CDC42BPA: variants seen among roughly 807,000 people sequenced by gnomAD.
CDC42BPA encodes the protein CDC42 binding protein kinase alpha.
In CDC42BPA, 80 loss-of-function variants were observed where a neutral mutation model predicts 223.5. The observed-to-expected ratio is 0.36, with a 90% confidence interval of 0.30 to 0.43. The LOEUF is 0.43. Ranked by LOEUF, CDC42BPA falls within the 20% of genes least tolerant of loss-of-function variation. The probability of loss-of-function intolerance (pLI) is 1.00; values close to 1 mark genes in which losing one functional copy is unlikely to be tolerated. For missense variants in CDC42BPA, 1,743 were observed against 2,099.9 expected (o/e 0.83, Z 3.32); for synonymous variants, 694 against 718.6 (o/e 0.97, Z 0.55).
intron 21 of CDC42BPA, among the ~76,000 whole-genome samples, chr1:227,055,067 A>G (rs1314514702): frequency 2.0e-5 from 3 of 151,976 alleles, no homozygotes; most frequent in Non-Finnish European, 4.4e-5. Context: ...TGAATATAAT[A>G]ATTAAAATTT....
chr1:227,198,449 A>AAAAAC (rs1175376101), intron 4 of CDC42BPA, among the ~76,000 whole-genome samples: 1 of 140,620 alleles, frequency 7.1e-6, no homozygotes, highest in Non-Finnish European at 1.5e-5. Context: ...AAAAAAAAAA[A>AAAAAC]AAAGAAAAGA....
chr1:227,100,712 TAG>T (rs149034436), intron 15 of CDC42BPA, among the ~76,000 whole-genome samples: 12 of 137,370 alleles, frequency 8.7e-5, no homozygotes, highest in Admixed American at 3.0e-4. Context: ...GCTCAGATTA[TAG>T]GTGTGTGTGT....
At chr1:227,049,848 A>C (rs1673180003) in intron 22 of CDC42BPA, among the ~76,000 whole-genome samples, 1 of 152,216 alleles carries the variant, frequency 6.6e-6, no homozygotes. Flanking sequence ...CCCATTATAC[A>C]TAACAATATA....
chr1:227,026,754 T>C (rs944185785), intron 30 of CDC42BPA, among the ~76,000 whole-genome samples: 1 of 152,094 alleles, frequency 6.6e-6, no homozygotes, highest in East Asian at 1.9e-4. Context: ...AGAATAATCA[T>C]AATTATTATC....
chr1:227,179,369 G>A (rs991537519), intron 5 of CDC42BPA, among the ~76,000 whole-genome samples: 4 of 152,116 alleles, frequency 2.6e-5, no homozygotes, highest in Admixed American at 2.0e-4. Context: ...GGGCATGGTG[G>A]CTCACGCCTG....
intron 5 of CDC42BPA, among the ~76,000 whole-genome samples, chr1:227,190,860 A>G (rs1669587412): frequency 6.6e-6 from 1 of 152,160 alleles, no homozygotes; most frequent in Non-Finnish European, 1.5e-5. Context: ...GAAGAGGTGT[A>G]GGAATGGGCA....
chr1:227,273,160 T>C (rs971601924), intron 1 of CDC42BPA, among the ~76,000 whole-genome samples: 4 of 152,154 alleles, frequency 2.6e-5, no homozygotes, highest in South Asian at 2.1e-4. Flanking sequence ...TAGCCAGGCA[T>C]GGTGGCGCAT....
intron 3 of CDC42BPA, among the ~76,000 whole-genome samples, chr1:227,205,268 CAAAA>C (rs1158919272): frequency 3.3e-3 from 364 of 110,166 alleles, no homozygotes; most frequent in South Asian, 0.012. Flanking sequence ...GACTCTGTCT[CAAAA>C]AAAAAAAAAA....
intron 4 of CDC42BPA, among the ~76,000 whole-genome samples, chr1:227,194,162 A>G (rs1052608241): frequency 6.6e-6 from 1 of 152,204 alleles, no homozygotes; most frequent in Non-Finnish European, 1.5e-5. Context: ...AGAACAACAC[A>G]GGGTTACCAT....
intron 5 of CDC42BPA, among the ~76,000 whole-genome samples, chr1:227,176,073 T>A (rs1666912717): frequency 6.6e-6 from 1 of 152,056 alleles, no homozygotes; most frequent in Admixed American, 6.5e-5. Flanking sequence ...GAGCCTCAGC[T>A]CCTTGAGTAG....
intron 4 of CDC42BPA, 36 bp from the exon 5 acceptor site, chr1:227,193,970 T>C (rs1465408461): frequency 3.3e-6 from 5 of 1,506,168 alleles, no homozygotes; most frequent in Non-Finnish European, 4.5e-6. Flanking sequence ...CTCAGTAAAC[T>C]AATAAGGGTG....
intron 31 of CDC42BPA, among the ~76,000 whole-genome samples, chr1:227,023,706 C>T (rs1184126391): frequency 2.0e-5 from 3 of 152,216 alleles, no homozygotes; most frequent in East Asian, 3.9e-4. Flanking sequence ...TAAATGCATA[C>T]ATATGATGGA....
chr1:227,011,095 C>CT (rs1665103629), intron 34 of CDC42BPA: 1 of 1,220,842 alleles, frequency 8.2e-7, no homozygotes. Flanking sequence ...TGAAAAAAGG[C>CT]AATAAGGTGA....
intron 27 of CDC42BPA, among the ~76,000 whole-genome samples, chr1:227,032,133 AAATT>A (rs1669406393): frequency 6.6e-6 from 1 of 152,182 alleles, no homozygotes; most frequent in Non-Finnish European, 1.5e-5. Flanking sequence ...TTGACCATTT[AAATT>A]AATATTTAAA....
Position 227,254,406 on chromosome 1 carries a change from T to C in CDC42BPA, c.179-251A>G, listed in dbSNP as rs569494625. On this transcript the variant is annotated intron_variant, in intron 1 of 36. Coordinates refer to ENST00000366766, the MANE Select transcript of CDC42BPA (RefSeq NM_001394014.1). ...GTATGTTTAAACTCCAAATAACATA[T>C]AAAAGAATGCAAAGCAAGGGGGATG... is the stretch of plus-strand genomic sequence containing the variant. 1.8e-4 allele frequency among the ~76,000 whole-genome samples: 28 copies of C among 152,238 alleles called. No homozygotes were observed. In the South Asian group the frequency reaches 5.6e-3, roughly 30 times the overall value.
intron 2 of CDC42BPA, among the ~76,000 whole-genome samples, chr1:227,253,295 T>C (rs1682425047): frequency 6.6e-6 from 1 of 151,976 alleles, no homozygotes; most frequent in Non-Finnish European, 1.5e-5. Flanking sequence ...TGCATGTGTA[T>C]CTTTACAAGT....
intron 22 of CDC42BPA, 54 bp from the exon 23 acceptor site, chr1:227,048,064 C>G: frequency 9.6e-7 from 1 of 1,047,110 alleles, no homozygotes; most frequent in East Asian, 2.5e-5. Flanking sequence ...CCATTAATTT[C>G]AAATATAACT....
At chr1:227,156,107 TTTC>T (rs1334035343) in intron 6 of CDC42BPA, among the ~76,000 whole-genome samples, 2 of 150,016 alleles carry the variant, frequency 1.3e-5, no homozygotes, top group Non-Finnish European at 3.0e-5. Flanking sequence ...TAAAATAAAG[TTTC>T]TTCATTATAG....
chr1:227,106,059 A>G (rs1218034282), intron 14 of CDC42BPA, among the ~76,000 whole-genome samples: 1 of 152,170 alleles, frequency 6.6e-6, no homozygotes, highest in Non-Finnish European at 1.5e-5. Flanking sequence ...TTCTTTAGCA[A>G]CATATAAGGG....
Sources: allele counts gnomAD v4.1 joint callset (sites outside exome capture counted in the v4.1 genomes callset), GRCh38; gene constraint gnomAD v4.1.1; transcripts MANE v1.5; gene names NCBI Gene and HGNC (gene_info 2026-07-23, HGNC 2026-07-21).